The following SNX29 variants were observed in gnomAD, a reference collection of about 807,000 sequenced individuals.
The protein encoded by SNX29 is sorting nexin-29.
Under a neutral mutation model 102.1 loss-of-function variants are expected in SNX29, and 78 were observed. The observed-to-expected ratio is 0.76, with a 90% confidence interval of 0.64 to 0.92. SNX29 has a LOEUF of 0.92. Ranked by LOEUF, SNX29 falls within the 40% of genes least tolerant of loss-of-function variation. The pLI is 0.00. For missense variants in SNX29, 1,280 were observed against 1,061.7 expected (o/e 1.21, Z -2.86); for synonymous variants, 580 against 414.5 (o/e 1.40, Z -4.85).
At chr16:12,547,707 C>G (rs1358147725) in intron 20 of SNX29, among the ~76,000 whole-genome samples, 1 of 152,202 alleles carries the variant, frequency 6.6e-6, no homozygotes, top group Non-Finnish European at 1.5e-5. Flanking sequence ...TGTCTGGGAT[C>G]TGCATAGCAT....
chr16:12,464,902 T>G (rs748747644), intron 18 of SNX29, among the ~76,000 whole-genome samples: 1 of 152,238 alleles, frequency 6.6e-6, no homozygotes, highest in Non-Finnish European at 1.5e-5. Flanking sequence ...CTCGATACCC[T>G]CACCAACACT....
intron 14 of SNX29, among the ~76,000 whole-genome samples, chr16:12,219,354 A>AT (rs1322858580): frequency 6.6e-6 from 1 of 151,934 alleles, no homozygotes; most frequent in African/African-American, 2.4e-5. Context: ...AAGCATACAC[A>AT]TATGTGTATA....
At chr16:12,489,897 CT>C (rs2088456365) in intron 19 of SNX29, among the ~76,000 whole-genome samples, 1 of 152,116 alleles carries the variant, frequency 6.6e-6, no homozygotes, top group Admixed American at 6.5e-5. Flanking sequence ...CCTCTACCTC[CT>C]GGGTTCAAAC....
chr16:12,008,198 C>A (rs1390315681), intron 3 of SNX29, among the ~76,000 whole-genome samples: 1 of 152,178 alleles, frequency 6.6e-6, no homozygotes, highest in Non-Finnish European at 1.5e-5. Flanking sequence ...CCCGCCTCGG[C>A]CTCCCAAAGT....
chr16:12,549,224 G>A (rs894451424), intron 20 of SNX29, among the ~76,000 whole-genome samples: 1 of 152,210 alleles, frequency 6.6e-6, no homozygotes, highest in African/African-American at 2.4e-5. Flanking sequence ...TGCCAGCCAT[G>A]GTGGCTCATC....
intron 13 of SNX29, among the ~76,000 whole-genome samples, chr16:12,195,574 G>C (rs1333640280): frequency 6.6e-6 from 1 of 152,222 alleles, no homozygotes; most frequent in African/African-American, 2.4e-5. Context: ...CTGGTCAGGA[G>C]GATCCTGTTC....
At chr16:12,433,630 CAAA>C (rs1235730528) in intron 18 of SNX29, among the ~76,000 whole-genome samples, 1 of 55,356 alleles carries the variant, frequency 1.8e-5, no homozygotes, top group Non-Finnish European at 3.5e-5. Flanking sequence ...GACTGCGTCT[CAAA>C]AAAAAAAAAA....
chr16:12,554,917 GC>G (rs546483613), intron 20 of SNX29, among the ~76,000 whole-genome samples: 2 of 152,216 alleles, frequency 1.3e-5, no homozygotes, highest in South Asian at 4.2e-4. Flanking sequence ...GGGGAGAGGG[GC>G]TGAGGAGGGC....
chr16:12,116,115 C>A (rs2053689086), intron 11 of SNX29, among the ~76,000 whole-genome samples: 1 of 152,186 alleles, frequency 6.6e-6, no homozygotes, highest in Non-Finnish European at 1.5e-5. Context: ...TTTTGAAAAA[C>A]TCTCTCTCCT....
In SNX29 at chr16:11,976,796, G is replaced by A; in HGVS notation, c.-11G>A. On this transcript the variant is annotated 5_prime_UTR_variant, in exon 1 of 21. Transcript: ENST00000566228. ...CGGCGCGGCGCAGGCACCGGCCCGG[G>A]GAGAGGCACCATGAGCGGTGAGTGG... 2.2e-6 allele frequency: 3 copies of A among 1,378,404 alleles called. 1 individual carries two copies. The Middle Eastern group carries it at 8.0e-4, about 366-fold the overall frequency. 85.4% of individuals were successfully genotyped at this position (1,378,404 alleles called of 1,614,324 possible). A position where few individuals can be genotyped will look rare whatever the true frequency, so the allele number is the denominator to read the frequency against.
intron 15 of SNX29, among the ~76,000 whole-genome samples, chr16:12,286,137 C>A (rs1276855403): frequency 6.6e-6 from 1 of 151,722 alleles, no homozygotes; most frequent in African/African-American, 2.4e-5. Context: ...GCCACTATGC[C>A]TGTCCTGTTT....
chr16:12,318,551 C>T (rs2080829397), intron 15 of SNX29, among the ~76,000 whole-genome samples: 1 of 152,140 alleles, frequency 6.6e-6, no homozygotes, highest in African/African-American at 2.4e-5. Context: ...CAGGTAGAAC[C>T]AGGACAGTAG....
At chr16:12,222,835 C>T (rs548147107) in intron 14 of SNX29, among the ~76,000 whole-genome samples, 1 of 152,182 alleles carries the variant, frequency 6.6e-6, no homozygotes, top group Non-Finnish European at 1.5e-5. Flanking sequence ...TCCCAAAGTG[C>T]TGGGATTACA....
At chr16:12,176,936 G>GTT (rs112467182) in intron 13 of SNX29, among the ~76,000 whole-genome samples, 1 of 150,914 alleles carries the variant, frequency 6.6e-6, no homozygotes, top group Non-Finnish European at 1.5e-5. Flanking sequence ...GCTGTTCAGG[G>GTT]TTTTTTTTTG....
chr16:12,446,546 A>G (rs1269140857), intron 18 of SNX29, among the ~76,000 whole-genome samples: 2 of 152,190 alleles, frequency 1.3e-5, no homozygotes, highest in Non-Finnish European at 2.9e-5. Flanking sequence ...ATGAATAGAG[A>G]GGAGTCAGAG....
intron 15 of SNX29, among the ~76,000 whole-genome samples, chr16:12,332,185 A>G (rs1457966967): frequency 6.6e-6 from 1 of 152,144 alleles, no homozygotes; most frequent in Non-Finnish European, 1.5e-5. Flanking sequence ...GGTCAGGGAA[A>G]ATGAACTTTC....
chr16:12,545,604 A>C (rs2077559342), intron 20 of SNX29: 1 of 152,210 alleles, frequency 6.6e-6, no homozygotes, highest in African/African-American at 2.4e-5. Flanking sequence ...ATCCAGAGGT[A>C]CAGAAAGCAA....
intron 20 of SNX29, among the ~76,000 whole-genome samples, chr16:12,563,775 C>A (rs2903041): frequency 0.26 from 39,726 of 152,160 alleles, 5,790 homozygotes; most frequent in East Asian, 0.44. Flanking sequence ...CCTTGTCTGC[C>A]GACCTGTCTG....
chr16:12,394,378 C>T (rs919678588), intron 16 of SNX29, among the ~76,000 whole-genome samples: 1 of 152,198 alleles, frequency 6.6e-6, no homozygotes, highest in African/African-American at 2.4e-5. Context: ...TGGAGCCAGA[C>T]CACCTGTGTT....
Sources: allele counts gnomAD v4.1 joint callset (sites outside exome capture counted in the v4.1 genomes callset), GRCh38; gene constraint gnomAD v4.1.1; transcripts MANE v1.5; gene names NCBI Gene and HGNC (gene_info 2026-07-23, HGNC 2026-07-21).